Variants in FRMD4A observed in about 807,000 individuals in gnomAD.
FRMD4A encodes FERM domain-containing protein 4A.
FRMD4A carries 29 observed loss-of-function variants against 129.1 expected under a neutral mutation model. The observed-to-expected ratio is 0.22, with a 90% CI of 0.17 to 0.31. FRMD4A has a LOEUF of 0.31. Ranked by LOEUF, FRMD4A falls within the 10% of genes least tolerant of loss-of-function variation. The pLI is 1.00. For synonymous variants in FRMD4A, 634 were observed against 571.6 expected (o/e 1.11, Z -1.56); for missense variants, 1,272 against 1,375.8 (o/e 0.92, Z 1.19).
In FRMD4A at chr10:13,658,135, A is replaced by T. The variant is rs889256917; in HGVS notation, c.2067-613T>A. ...CAGGGCAAGACCCTGTCTCTCTTAA[A>T]AAAAAAAAAAAAAAAAAAAAAAGAA... On this transcript the variant is annotated intron_variant, in intron 21 of 24. Transcript: ENST00000357447. Among the ~76,000 whole-genome samples, 419 of 143,276 alleles carry T rather than the reference A, an allele frequency of 2.9e-3. 1 individual carries two copies. The highest frequency in any genetic ancestry group is 0.015 in the South Asian group (70 of 4,556). The allele number at this position is 143,276 out of a possible 152,430, so 94.0% of individuals were successfully genotyped here.
At chr10:14,141,320 A>G (rs926553965) in intron 2 of FRMD4A, among the ~76,000 whole-genome samples, 9 of 152,160 alleles carry the variant, frequency 5.9e-5, no homozygotes, top group Non-Finnish European at 1.3e-4. Flanking sequence ...CATTTTTATC[A>G]TCAATTTTAC....
At chr10:13,922,319 G>A (rs1352460817) in intron 2 of FRMD4A, among the ~76,000 whole-genome samples, 1 of 151,732 alleles carries the variant, frequency 6.6e-6, no homozygotes, top group Non-Finnish European at 1.5e-5. Context: ...AAAAATAGAA[G>A]GTACTACGTA....
At chr10:14,014,567 G>C (rs528969644) in intron 2 of FRMD4A, among the ~76,000 whole-genome samples, 1 of 152,298 alleles carries the variant, frequency 6.6e-6, no homozygotes, top group Admixed American at 6.5e-5. Context: ...AGCTGGGACT[G>C]AGGTTAGACA....
chr10:13,929,433 G>T (rs2095169774), intron 2 of FRMD4A, among the ~76,000 whole-genome samples: 1 of 152,188 alleles, frequency 6.6e-6, no homozygotes, highest in Non-Finnish European at 1.5e-5. Context: ...CTGCTTACCC[G>T]AGTGCTGCAC....
intron 2 of FRMD4A, among the ~76,000 whole-genome samples, chr10:13,949,272 C>T (rs945427321): frequency 3.1e-5 from 4 of 129,048 alleles, no homozygotes; most frequent in Non-Finnish European, 4.6e-5. Context: ...ATCTGTGAGA[C>T]GAGCTCCCAA....
At chr10:13,898,741 G>A (rs1453294774) in intron 2 of FRMD4A, among the ~76,000 whole-genome samples, 3 of 152,330 alleles carry the variant, frequency 2.0e-5, no homozygotes, top group East Asian at 1.9e-4. Flanking sequence ...TGTACTTGCC[G>A]AGCTGAGGAC....
At chr10:13,734,407 A>C (rs1014743906) in intron 12 of FRMD4A, among the ~76,000 whole-genome samples, 10 of 152,198 alleles carry the variant, frequency 6.6e-5, no homozygotes, top group African/African-American at 2.4e-4. Flanking sequence ...TAGAGGAGGA[A>C]GTCCTCTTCG....
chr10:13,819,699 CTTT>C (rs769973791), intron 3 of FRMD4A, among the ~76,000 whole-genome samples: 2 of 131,880 alleles, frequency 1.5e-5, no homozygotes, highest in Non-Finnish European at 3.2e-5. Context: ...ATATTGTCTC[CTTT>C]TTTTTTTTTT....
In FRMD4A at chr10:13,665,032, G is replaced by A. The variant is rs1163518037; in HGVS notation, c.1603+1065C>T. 2.6e-5 allele frequency among the ~76,000 whole-genome samples: 4 copies of A among 152,094 alleles called. No individual in the cohort carries two copies. In the South Asian group the frequency reaches 6.2e-4, roughly 24 times the overall value. ...TGAATAGCTAGGATTACAGGCATGC[G>A]CCACCACGCCTGGCTAATTTTTGTA... On this transcript the variant is annotated intron_variant, in intron 18 of 24. Transcript: ENST00000357447.
chr10:13,657,661 A>C, intron 21 of FRMD4A, 139 bp from the exon 22 acceptor site: 96 of 1,247,706 alleles, frequency 7.7e-5, no homozygotes, highest in Non-Finnish European at 9.5e-5. Flanking sequence ...CCAGAGTCTC[A>C]CTCAGCAGGG....
chr10:14,066,375 G>C (rs1835061856), intron 2 of FRMD4A, among the ~76,000 whole-genome samples: 1 of 152,158 alleles, frequency 6.6e-6, no homozygotes. Context: ...TGTTTCCTCA[G>C]TTCAGTGCCA....
At chr10:13,836,755 C>CTTTT (rs35995042) in intron 3 of FRMD4A, among the ~76,000 whole-genome samples, 31 of 109,984 alleles carry the variant, frequency 2.8e-4, no homozygotes, top group African/African-American at 4.4e-4. Context: ...CTCAGTGGTT[C>CTTTT]TTTTTTTTTT....
chr10:14,010,183 C>G lies in FRMD4A; in HGVS notation c.46-151271G>C, dbSNP rs570746423. Among the ~76,000 whole-genome samples the G allele has an allele frequency of 2.0e-5, 3 of 152,262 alleles. No homozygotes were observed. The South Asian group carries it at 6.2e-4, about 32-fold the overall frequency. On this transcript the variant is annotated intron_variant, in intron 2 of 24. Transcript: ENST00000357447. ...TCCTCTTCTCTGACCCAGGCCAGGG[C>G]AAAGCCCCGGGGAGCTGAATTTATT... is the stretch of plus-strand genomic sequence containing the variant.
At chr10:14,175,554 G>C (rs935817921) in intron 2 of FRMD4A, among the ~76,000 whole-genome samples, 2 of 122,438 alleles carry the variant, frequency 1.6e-5, no homozygotes, top group African/African-American at 6.2e-5. Context: ...CAGGGTGTCT[G>C]TCTGTTGCTC....
At chr10:14,187,154 G>T (rs866374467) in intron 2 of FRMD4A, among the ~76,000 whole-genome samples, 1 of 137,708 alleles carries the variant, frequency 7.3e-6, no homozygotes, top group South Asian at 2.7e-4. Context: ...AAGGAAAGAA[G>T]GAAGGGAGGG....
chr10:14,204,859 C>G lies in FRMD4A; in HGVS notation c.45+125199G>C, dbSNP rs535614888. Among the ~76,000 whole-genome samples, 4 of 152,112 alleles carry G rather than the reference C, an allele frequency of 2.6e-5. No individual in the cohort carries two copies. The East Asian group carries it at 7.7e-4, about 29-fold the overall frequency. On this transcript the variant is annotated intron_variant, in intron 2 of 24. Transcript: ENST00000357447. The stretch of plus-strand genomic sequence containing the variant: ...TAACCCAGCTGTGTGCAAAATCAAG[C>G]CTATTGAACGCGAAAGCACTGCACC...
chr10:13,652,094 A>G, intron 23 of FRMD4A, 120 bp from the exon 24 acceptor site: 1 of 718,500 alleles, frequency 1.4e-6, no homozygotes, highest in Non-Finnish European at 2.6e-6. Flanking sequence ...CTGATTAGAC[A>G]CCTGAGTTAG....
intron 12 of FRMD4A, among the ~76,000 whole-genome samples, chr10:13,729,876 A>G (rs72769534): frequency 0.09 from 13,744 of 152,250 alleles, 678 homozygotes; most frequent in Non-Finnish European, 0.11. Flanking sequence ...TCTGGGCTGC[A>G]TTTCTAAGTG....
chr10:13,702,913 GAAAAAA>G (rs34246612), intron 13 of FRMD4A, among the ~76,000 whole-genome samples: 1 of 131,918 alleles, frequency 7.6e-6, no homozygotes, highest in Non-Finnish European at 1.6e-5. Context: ...AAAAGTGAAG[GAAAAAA>G]AAAAAAAAAA....
Sources: allele counts gnomAD v4.1 joint callset (sites outside exome capture counted in the v4.1 genomes callset), GRCh38; gene constraint gnomAD v4.1.1; transcripts MANE v1.5; gene names NCBI Gene and HGNC (gene_info 2026-07-23, HGNC 2026-07-21).